The following CYTH1 variants were observed in gnomAD, a reference collection of about 807,000 sequenced individuals.
The protein encoded by CYTH1 is cytohesin-1.
In CYTH1, 18 loss-of-function variants were observed where a neutral mutation model predicts 61.8. That is an observed-to-expected ratio of 0.29 (90% CI 0.20 to 0.43). The LOEUF (loss-of-function observed/expected upper bound fraction) is 0.43, where lower values mean the gene tolerates loss of function less well. Ranked by LOEUF, CYTH1 falls within the 20% of genes least tolerant of loss-of-function variation. CYTH1 has a pLI of 1.00. For missense variants in CYTH1, 336 were observed against 510.5 expected (o/e 0.66, Z 3.29); for synonymous variants, 174 against 184.3 (o/e 0.94, Z 0.45).
chr17:78,721,484 T>C (rs2093228114), intron 1 of CYTH1, among the ~76,000 whole-genome samples: 1 of 152,270 alleles, frequency 6.6e-6, no homozygotes, highest in African/African-American at 2.4e-5. Flanking sequence ...TTTAAATTTC[T>C]TCCATGCAAA....
rs144132969 is a variant in CYTH1 at position 78,692,928 on chromosome 17, A to C, written c.815-435T>G. ...CAGCCCGGCACATAAGGAGTGTTTC[A>C]CTGGAAGTGAAGGAAGGAGGAAGCA... is the stretch of plus-strand genomic sequence containing the variant. On this transcript the variant is annotated intron_variant, in intron 10 of 13. Coordinates refer to ENST00000446868, the MANE Select transcript of CYTH1 (RefSeq NM_004762.6). Among the ~76,000 whole-genome samples, 92 of 152,238 alleles carry C rather than the reference A, an allele frequency of 6.0e-4. 1 individual carries two copies. In the East Asian group the frequency reaches 0.012, roughly 20 times the overall value.
At chr17:78,702,678 A>C (rs141357134) in intron 3 of CYTH1, 74 bp from the exon 4 acceptor site, 1 of 1,440,794 alleles carries the variant, frequency 6.9e-7, no homozygotes, top group African/African-American at 1.4e-5. Flanking sequence ...TATGATTTCC[A>C]CTGATTTACA....
At chr17:78,748,322 TG>T (rs1235220950) in intron 1 of CYTH1, among the ~76,000 whole-genome samples, 1 of 152,202 alleles carries the variant, frequency 6.6e-6, no homozygotes, top group African/African-American at 2.4e-5. Flanking sequence ...CGTCAGCTGG[TG>T]TAAGTATTGA....
At chr17:78,774,668 C>T (rs537719228) in intron 1 of CYTH1, among the ~76,000 whole-genome samples, 1 of 152,148 alleles carries the variant, frequency 6.6e-6, no homozygotes, top group Non-Finnish European at 1.5e-5. Context: ...CAGCCCGCAG[C>T]AGCACCCAGA....
At chr17:78,762,064 G>C (rs1478151188) in intron 1 of CYTH1, among the ~76,000 whole-genome samples, 3 of 152,204 alleles carry the variant, frequency 2.0e-5, no homozygotes, top group African/African-American at 7.2e-5. Context: ...ACCAAATAAT[G>C]TTGTGCCAAC....
At chr17:78,731,060 A>C (rs2093291658) in intron 1 of CYTH1, among the ~76,000 whole-genome samples, 1 of 152,108 alleles carries the variant, frequency 6.6e-6, no homozygotes, top group African/African-American at 2.4e-5. Flanking sequence ...TTCTGTCTCC[A>C]TTTTTCCCCT....
intron 1 of CYTH1, among the ~76,000 whole-genome samples, chr17:78,746,842 C>CGA (rs1428625649): frequency 3.3e-5 from 5 of 151,940 alleles, no homozygotes; most frequent in Middle Eastern, 3.4e-3. Context: ...CTTCAGAGGG[C>CGA]GAGGCAGGTG....
At position 78,754,628 on chromosome 17, in the gene CYTH1, G is replaced by A. The variant is rs947582779; in HGVS notation, c.22+27574C>T. ...CTCAAAAAATGCTACAATTACAGGT[G>A]TGAGCCATCATGCCCAGCCCAAAAT... On this transcript the variant is annotated intron_variant, in intron 1 of 13. Coordinates refer to ENST00000446868, the MANE Select transcript of CYTH1 (RefSeq NM_004762.6). Among the ~76,000 whole-genome samples, 6 of 152,124 alleles carry A rather than the reference G, an allele frequency of 3.9e-5. No individual in the cohort carries two copies. The South Asian group carries it at 8.3e-4, about 21-fold the overall frequency.
intron 1 of CYTH1, among the ~76,000 whole-genome samples, chr17:78,781,543 C>T (rs934861910): frequency 1.3e-5 from 2 of 151,802 alleles, no homozygotes; most frequent in African/African-American, 4.8e-5. Context: ...TCTCGGCAGG[C>T]GGCGACGCAC....
At chr17:78,692,548 C>T in intron 10 of CYTH1, 55 bp from the exon 11 acceptor site, 1 of 1,535,160 alleles carries the variant, frequency 6.5e-7, no homozygotes, top group South Asian at 1.1e-5. Flanking sequence ...CAAGTGCAGG[C>T]TCCACGACAC....
intron 1 of CYTH1, among the ~76,000 whole-genome samples, chr17:78,711,858 ACTGCTTGAG>A (rs1291714827): frequency 6.6e-6 from 1 of 152,060 alleles, no homozygotes; most frequent in Non-Finnish European, 1.5e-5. Flanking sequence ...AACCAGGCAG[ACTGCTTGAG>A]CCCATTGGGA....
intron 1 of CYTH1, among the ~76,000 whole-genome samples, chr17:78,768,404 AT>A (rs2093457423): frequency 6.6e-6 from 1 of 152,106 alleles, no homozygotes; most frequent in Non-Finnish European, 1.5e-5. Context: ...AAATTCAACT[AT>A]TTAAATGGGT....
chr17:78,750,344 G>A (rs1475497454), intron 1 of CYTH1, among the ~76,000 whole-genome samples: 1 of 152,048 alleles, frequency 6.6e-6, no homozygotes, highest in Admixed American at 6.6e-5. Flanking sequence ...GAATAAAGAG[G>A]GACACAGCAC....
At chr17:78,703,639 C>T (rs914475135) in intron 3 of CYTH1, among the ~76,000 whole-genome samples, 4 of 152,228 alleles carry the variant, frequency 2.6e-5, no homozygotes, top group African/African-American at 7.2e-5. Context: ...TGTCTGTCTC[C>T]ACAGATTTGC....
chr17:78,780,074 A>G (rs2093510686), intron 1 of CYTH1, among the ~76,000 whole-genome samples: 1 of 152,238 alleles, frequency 6.6e-6, no homozygotes, highest in African/African-American at 2.4e-5. Context: ...TAGGCAGGAC[A>G]CTGGGATCTG....
At chr17:78,767,044 T>C (rs926656530) in intron 1 of CYTH1, among the ~76,000 whole-genome samples, 1 of 152,206 alleles carries the variant, frequency 6.6e-6, no homozygotes, top group Admixed American at 6.5e-5. Context: ...ACGAAAAATG[T>C]TCAGCAATGA....
At chr17:78,731,283 A>G (rs907781330) in intron 1 of CYTH1, among the ~76,000 whole-genome samples, 2 of 152,140 alleles carry the variant, frequency 1.3e-5, no homozygotes, top group Admixed American at 6.5e-5. Context: ...GCTAGACTAG[A>G]TAACTTCTAA....
At chr17:78,777,432 A>T (rs920510869) in intron 1 of CYTH1, among the ~76,000 whole-genome samples, 1 of 152,214 alleles carries the variant, frequency 6.6e-6, no homozygotes, top group South Asian at 2.1e-4. Flanking sequence ...ATAAATAAAT[A>T]AAAATAAATA....
At chr17:78,759,761 C>T (rs900262479) in intron 1 of CYTH1, among the ~76,000 whole-genome samples, 8 of 152,116 alleles carry the variant, frequency 5.3e-5, no homozygotes, top group Non-Finnish European at 1.0e-4. Flanking sequence ...CAATCATGGA[C>T]GCACAAATTC....
Sources: gnomAD v4.1 joint callset for allele counts (sites outside exome capture counted in the v4.1 genomes callset) on GRCh38, gnomAD v4.1.1 for gene constraint, MANE v1.5 for transcripts, NCBI Gene and HGNC (gene_info 2026-07-23, HGNC 2026-07-21) for gene names.